The following GPM6A variants were observed in gnomAD, a reference collection of about 807,000 sequenced individuals.
The protein encoded by GPM6A is neuronal membrane glycoprotein M6-a.
In GPM6A, 7 loss-of-function variants were observed where a neutral mutation model predicts 32.1. The observed-to-expected ratio is 0.22, with a 90% CI of 0.12 to 0.41. The LOEUF (loss-of-function observed/expected upper bound fraction) is 0.41, where lower values mean the gene tolerates loss of function less well. Among genes scored for constraint, GPM6A ranks in the 10% least tolerant of loss-of-function variants. GPM6A has a pLI of 1.00. For missense variants in GPM6A, 235 were observed against 347.2 expected (o/e 0.68, Z 2.57); for synonymous variants, 130 against 123.4 (o/e 1.05, Z -0.35).
At chr4:175,973,432 A>G (rs528025966) in intron 1 of GPM6A, among the ~76,000 whole-genome samples, 12 of 152,254 alleles carry the variant, frequency 7.9e-5, no homozygotes, top group Admixed American at 5.9e-4. Context: ...GAGGTGGTCA[A>G]ATTAAAATTT....
At chr4:175,636,399 A>G (rs559437900) in intron 6 of GPM6A, among the ~76,000 whole-genome samples, 31 of 150,976 alleles carry the variant, frequency 2.1e-4, no homozygotes, top group Middle Eastern at 3.5e-3. Context: ...CTTAGTACAT[A>G]GCAGATACAC....
At chr4:175,992,062 A>ACG (rs533413071) in intron 1 of GPM6A, among the ~76,000 whole-genome samples, 12,729 of 142,004 alleles carry the variant, frequency 0.09, 686 homozygotes, top group South Asian at 0.27. Context: ...ACACACATGC[A>ACG]CACACACACA....
At chr4:175,826,073 C>A (rs1735426880) in intron 1 of GPM6A, among the ~76,000 whole-genome samples, 1 of 135,534 alleles carries the variant, frequency 7.4e-6, no homozygotes. Flanking sequence ...GGGACTGAGG[C>A]AGGAGGATGA....
intron 1 of GPM6A, among the ~76,000 whole-genome samples, chr4:175,756,621 G>A (rs901880941): frequency 6.6e-6 from 1 of 152,078 alleles, no homozygotes; most frequent in African/African-American, 2.4e-5. Flanking sequence ...AGCTGTCACT[G>A]GGACGTAAAA....
intron 1 of GPM6A, among the ~76,000 whole-genome samples, chr4:175,982,266 C>A (rs1181438019): frequency 6.6e-6 from 1 of 152,066 alleles, no homozygotes; most frequent in Non-Finnish European, 1.5e-5. Flanking sequence ...TGGATATCAA[C>A]TTTTTCTTTC....
At chr4:175,944,979 A>G (rs1739542783) in intron 1 of GPM6A, among the ~76,000 whole-genome samples, 1 of 152,116 alleles carries the variant, frequency 6.6e-6, no homozygotes, top group Non-Finnish European at 1.5e-5. Context: ...CAAACCATCA[A>G]GTGGTATGAG....
At chr4:175,769,916 T>A (rs1265485355) in intron 1 of GPM6A, among the ~76,000 whole-genome samples, 2 of 152,234 alleles carry the variant, frequency 1.3e-5, no homozygotes, top group Non-Finnish European at 2.9e-5. Flanking sequence ...CTATGTGACA[T>A]TCCACTAAAA....
intron 1 of GPM6A, among the ~76,000 whole-genome samples, chr4:175,810,367 T>C (rs1446959892): frequency 6.6e-6 from 1 of 152,200 alleles, no homozygotes; most frequent in Non-Finnish European, 1.5e-5. Context: ...CATATACATT[T>C]ACAAACTGAT....
chr4:175,657,279 A>G (rs1742132551), intron 3 of GPM6A, among the ~76,000 whole-genome samples: 1 of 152,216 alleles, frequency 6.6e-6, no homozygotes. Context: ...AAGCTTCAAT[A>G]GATAGACAGT....
At chr4:175,665,300 T>C (rs1342501475) in intron 3 of GPM6A, among the ~76,000 whole-genome samples, 1 of 152,148 alleles carries the variant, frequency 6.6e-6, no homozygotes, top group Non-Finnish European at 1.5e-5. Context: ...AAGTCTCCCA[T>C]GTATTCTGAC....
chr4:175,929,553 A>G (rs150176398), intron 1 of GPM6A, among the ~76,000 whole-genome samples: 7 of 152,326 alleles, frequency 4.6e-5, no homozygotes, highest in Admixed American at 3.3e-4. Context: ...TGAGGCATGT[A>G]TACGACTTGC....
chr4:175,650,368 C>G (rs979295087), intron 4 of GPM6A, among the ~76,000 whole-genome samples: 26 of 151,526 alleles, frequency 1.7e-4, no homozygotes, highest in African/African-American at 2.4e-5. Context: ...GCAGTGGCAC[C>G]ATCTCAGCTC....
At position 175,822,374 on chromosome 4, in the gene GPM6A, T is replaced by C. The variant is rs547267475; in HGVS notation, c.-22-10125A>G. ...AATGCCTTTTTAAAAAGCTGTCCAC[T>C]TTAGGAGAATCGTTTATTAAAATTT... On this transcript the variant is annotated intron_variant, in intron 1 of 7. Coordinates refer to the GPM6A transcript ENST00000280187. Among the ~76,000 whole-genome samples the C allele has an allele frequency of 1.8e-4, 27 of 152,162 alleles. 1 individual carries two copies. Among genetic ancestry groups the C allele is most frequent in the Non-Finnish European group, 3.8e-4 (26 of 68,004 alleles).
chr4:175,816,448 G>A (rs1735102271), upstream of GPM6A, among the ~76,000 whole-genome samples: 1 of 151,866 alleles, frequency 6.6e-6, no homozygotes, highest in Non-Finnish European at 1.5e-5. Flanking sequence ...AGTAAATATC[G>A]ACATATTCCT....
intron 1 of GPM6A, among the ~76,000 whole-genome samples, chr4:175,876,802 A>G (rs539094975): frequency 1.3e-5 from 2 of 152,280 alleles, no homozygotes; most frequent in African/African-American, 4.8e-5. Context: ...TTTCCTGGCT[A>G]CTTTCTCACC....
intron 1 of GPM6A, among the ~76,000 whole-genome samples, chr4:175,920,252 A>C (rs1738622550): frequency 1.3e-5 from 2 of 152,236 alleles, no homozygotes; most frequent in Admixed American, 6.5e-5. Flanking sequence ...AATTTAGGAC[A>C]TAATGTTTAA....
chr4:175,845,768 A>G (rs1225423254), intron 1 of GPM6A, among the ~76,000 whole-genome samples: 1 of 152,124 alleles, frequency 6.6e-6, no homozygotes, highest in East Asian at 1.9e-4. Context: ...TTCATAATTC[A>G]AGAGCTCTCC....
At chr4:175,880,516 T>A (rs1252305562) in intron 1 of GPM6A, among the ~76,000 whole-genome samples, 1 of 152,240 alleles carries the variant, frequency 6.6e-6, no homozygotes, top group Non-Finnish European at 1.5e-5. Flanking sequence ...TTCCTATCCA[T>A]GAGCATAGAA....
chr4:175,951,890 G>A (rs1046767929), intron 1 of GPM6A, among the ~76,000 whole-genome samples: 4 of 152,038 alleles, frequency 2.6e-5, no homozygotes, highest in Non-Finnish European at 5.9e-5. Flanking sequence ...AAAAAGACCA[G>A]CTTCTCTGAA....
Sources: allele counts gnomAD v4.1 joint callset (sites outside exome capture counted in the v4.1 genomes callset), GRCh38; gene constraint gnomAD v4.1.1; transcripts MANE v1.5; gene names NCBI Gene and HGNC (gene_info 2026-07-23, HGNC 2026-07-21).